HCN1: variants seen among roughly 807,000 people sequenced by gnomAD.
HCN1 encodes the protein potassium/sodium hyperpolarization-activated cyclic nucleotide-gated channel 1.
Under a neutral mutation model 78.9 loss-of-function variants are expected in HCN1, and 13 were observed. The observed-to-expected ratio is 0.16, with a 90% CI of 0.11 to 0.26. The LOEUF (loss-of-function observed/expected upper bound fraction) is 0.26. Ranked by LOEUF, HCN1 falls within the 10% of genes least tolerant of loss-of-function variation. The pLI is 1.00. For missense variants in HCN1, 810 were observed against 1,154.3 expected (o/e 0.70, Z 4.32); for synonymous variants, 552 against 455.5 (o/e 1.21, Z -2.70).
chr5:45,476,715 G>T (rs1448694226), intron 2 of HCN1, among the ~76,000 whole-genome samples: 1 of 152,008 alleles, frequency 6.6e-6, no homozygotes, highest in African/African-American at 2.4e-5. Context: ...TAGACTATAT[G>T]CCCTTTATAT....
intron 5 of HCN1, among the ~76,000 whole-genome samples, chr5:45,344,408 T>TC (rs2111969391): frequency 6.6e-6 from 1 of 151,938 alleles, no homozygotes; most frequent in African/African-American, 2.4e-5. Flanking sequence ...TTCCCAACAG[T>TC]CCCCCAAAGT....
At chr5:45,444,269 G>A (rs1740739847) in intron 3 of HCN1, among the ~76,000 whole-genome samples, 1 of 152,034 alleles carries the variant, frequency 6.6e-6, no homozygotes, top group African/African-American at 2.4e-5. Context: ...TTATTTAAAT[G>A]AATTTATAAA....
At chr5:45,376,064 T>G (rs528013510) in intron 4 of HCN1, among the ~76,000 whole-genome samples, 44 of 110,934 alleles carry the variant, frequency 4.0e-4, no homozygotes, top group Non-Finnish European at 6.9e-4. Flanking sequence ...ATATACAATA[T>G]AATATGTTAT....
chr5:45,547,003 A>G (rs1743244546), intron 2 of HCN1, among the ~76,000 whole-genome samples: 2 of 151,892 alleles, frequency 1.3e-5, no homozygotes, highest in African/African-American at 4.8e-5. Context: ...GACTTGAACT[A>G]TTTCATTAAC....
chr5:45,286,993 AATAG>A (rs1339999558), intron 6 of HCN1, among the ~76,000 whole-genome samples: 1 of 152,016 alleles, frequency 6.6e-6, no homozygotes, highest in African/African-American at 2.4e-5. Flanking sequence ...CTCCATGGAT[AATAG>A]ATAGGTCAGA....
At chr5:45,289,160 TC>T (rs1561090124) in intron 6 of HCN1, among the ~76,000 whole-genome samples, 1 of 152,064 alleles carries the variant, frequency 6.6e-6, no homozygotes. Flanking sequence ...TATTAACTAT[TC>T]TTTAGTATAA....
At chr5:45,331,329 C>T (rs1746340292) in intron 5 of HCN1, among the ~76,000 whole-genome samples, 1 of 151,192 alleles carries the variant, frequency 6.6e-6, no homozygotes, top group African/African-American at 2.4e-5. Flanking sequence ...ACCAACACAG[C>T]TTCCTAGGGA....
intron 2 of HCN1, among the ~76,000 whole-genome samples, chr5:45,478,515 C>G (rs1741572777): frequency 6.6e-6 from 1 of 152,114 alleles, no homozygotes; most frequent in East Asian, 1.9e-4. Context: ...AGTACATCAG[C>G]ACAGGTAGGC....
chr5:45,415,552 G>A (rs1395736746), intron 3 of HCN1, among the ~76,000 whole-genome samples: 2 of 152,006 alleles, frequency 1.3e-5, no homozygotes, highest in East Asian at 3.9e-4. Flanking sequence ...CTTTTATATA[G>A]GTAGTTTTCT....
chr5:45,309,949 C>T (rs1476089087), intron 5 of HCN1, among the ~76,000 whole-genome samples: 1 of 152,120 alleles, frequency 6.6e-6, no homozygotes, highest in African/African-American at 2.4e-5. Flanking sequence ...GCTACTGGCT[C>T]TTCTTTGTAT....
At chr5:45,637,329 T>A (rs1745374211) in intron 2 of HCN1, among the ~76,000 whole-genome samples, 1 of 152,232 alleles carries the variant, frequency 6.6e-6, no homozygotes, top group East Asian at 1.9e-4. Flanking sequence ...GTTGTTTTAT[T>A]TATCGGTTTG....
At chr5:45,430,869 C>A (rs576077705) in intron 3 of HCN1, among the ~76,000 whole-genome samples, 2 of 152,190 alleles carry the variant, frequency 1.3e-5, no homozygotes, top group East Asian at 3.9e-4. Context: ...TAGGCTGATT[C>A]CATGTCTTTG....
intron 2 of HCN1, among the ~76,000 whole-genome samples, chr5:45,470,734 C>T (rs1042091820): frequency 2.0e-5 from 3 of 151,914 alleles, no homozygotes; most frequent in Non-Finnish European, 4.4e-5. Context: ...CTGAAACCAC[C>T]TATTAAGTAT....
chr5:45,446,727 A>G (rs1036594966), intron 3 of HCN1, among the ~76,000 whole-genome samples: 9 of 152,204 alleles, frequency 5.9e-5, no homozygotes, highest in Non-Finnish European at 1.0e-4. Flanking sequence ...AGTGGGGGCC[A>G]ATATTCAACA....
rs1561075941 is a variant in HCN1 at position 45,255,732 on chromosome 5, GGTTAT to G, written c.*6184_*6188del. 1 of 152,048 alleles carries G rather than the reference GGTTAT, an allele frequency of 6.6e-6. No individual in the cohort carries two copies. The highest frequency in any genetic ancestry group is 2.4e-5 in the African/African-American group (1 of 41,390). 9.4% of individuals were successfully genotyped at this position (152,048 alleles called of 1,614,324 possible). A position where few individuals can be genotyped will look rare whatever the true frequency, so the allele number is the denominator to read the frequency against. On this transcript the variant is annotated 3_prime_UTR_variant, in exon 8 of 8. Coordinates refer to ENST00000303230, the MANE Select transcript of HCN1 (RefSeq NM_021072.4). ...TTTTTGAATCTTTCAAATTTCTTTG[GGTTAT>G]GTTCTTTCTTCCTTCAAAAGTAAAT...
intron 6 of HCN1, among the ~76,000 whole-genome samples, chr5:45,300,717 T>C (rs1258847102): frequency 6.6e-6 from 1 of 152,116 alleles, no homozygotes; most frequent in Non-Finnish European, 1.5e-5. Context: ...AATCTCCACA[T>C]TGTTCAAGAT....
chr5:45,371,808 G>GTA (rs1747369333), intron 4 of HCN1, among the ~76,000 whole-genome samples: 1 of 134,694 alleles, frequency 7.4e-6, no homozygotes, highest in South Asian at 2.2e-4. Flanking sequence ...CACACAAGGT[G>GTA]TATATGTGCT....
chr5:45,690,931 C>G (rs1255483996), intron 1 of HCN1, among the ~76,000 whole-genome samples: 3 of 152,034 alleles, frequency 2.0e-5, no homozygotes, highest in Non-Finnish European at 4.4e-5. Context: ...AGTGAATTAT[C>G]TGCTAAACAC....
chr5:45,288,706 G>T lies in HCN1; in HGVS notation c.1618+14893C>A, dbSNP rs551147498. Among the ~76,000 whole-genome samples the T allele has an allele frequency of 1.8e-3, 279 of 152,142 alleles. 1 individual carries two copies. The highest frequency in any genetic ancestry group is 6.5e-3 in the African/African-American group (269 of 41,534). On this transcript the variant is annotated intron_variant, in intron 6 of 7. Transcript: ENST00000303230. Reference sequence around the variant, plus strand: ...GAATCAGGCATTAAATCGTGCTTAGGTTCCCTAGACATAACTTGTAAGTTG... The same window carrying T: ...GAATCAGGCATTAAATCGTGCTTAGTTTCCCTAGACATAACTTGTAAGTTG...
Sources: gnomAD v4.1 joint callset for allele counts (sites outside exome capture counted in the v4.1 genomes callset) on GRCh38, gnomAD v4.1.1 for gene constraint, MANE v1.5 for transcripts, NCBI Gene and HGNC (gene_info 2026-07-23, HGNC 2026-07-21) for gene names.